Variants in CEP170 observed in about 807,000 individuals in gnomAD.
The protein encoded by CEP170 is centrosomal protein 170.
Under a neutral mutation model 151.9 loss-of-function variants are expected in CEP170, and 21 were observed. That is an observed-to-expected ratio of 0.14 (90% CI 0.10 to 0.20). The LOEUF is 0.20. Ranked by LOEUF, CEP170 falls within the 10% of genes least tolerant of loss-of-function variation. CEP170 has a pLI of 1.00. For synonymous variants in CEP170, 356 were observed against 648.8 expected (o/e 0.55, Z 6.86); for missense variants, 964 against 1,892.9 (o/e 0.51, Z 9.11).
chr1:243,233,763 T>C lies in CEP170; in HGVS notation c.-41-8442A>G, dbSNP rs190653577. Among the ~76,000 whole-genome samples the C allele has an allele frequency of 6.3e-3, 912 of 145,798 alleles. 12 individuals are homozygous for C. Among genetic ancestry groups the C allele is most frequent in the Admixed American group, 0.012 (174 of 14,620 alleles). On this transcript the variant is annotated intron_variant, in intron 1 of 19. Transcript: ENST00000366542. ...AAAAATATATATATATATATATATA[T>C]ATATTTTAAAACGTTGTTCCTATTC... is the stretch of plus-strand genomic sequence containing the variant.
At chr1:243,239,482 T>C (rs1466353194) in intron 1 of CEP170, among the ~76,000 whole-genome samples, 1 of 152,198 alleles carries the variant, frequency 6.6e-6, no homozygotes. Context: ...AAAGTAAATG[T>C]AATAATTTCA....
chr1:243,172,994 T>C lies in CEP170; in HGVS notation c.1567-148A>G. 4.1e-6 allele frequency: 4 copies of C among 969,826 alleles called. 1 individual carries two copies. The highest frequency in any genetic ancestry group is 2.8e-6 in the Non-Finnish European group (2 of 703,252). 60.1% of individuals were successfully genotyped at this position (969,826 alleles called of 1,614,324 possible). A position where few individuals can be genotyped will look rare whatever the true frequency, so the allele number is the denominator to read the frequency against. ...TCAAAACTAAGGAAAACTTCTTGAATGACAGTAACAGCTAATTGTGATAGC... is the reference window on the plus strand; with the variant it reads ...TCAAAACTAAGGAAAACTTCTTGAACGACAGTAACAGCTAATTGTGATAGC... On this transcript the variant is annotated intron_variant, in intron 10 of 19. Transcript: ENST00000366542.
In CEP170 at chr1:243,125,209, A is replaced by T. The variant is rs1019039156; in HGVS notation, c.*1240T>A. 6 of 152,354 alleles carry T rather than the reference A, an allele frequency of 3.9e-5. No individual in the cohort carries two copies. Among genetic ancestry groups the T allele is most frequent in the African/African-American group, 1.4e-4 (6 of 41,466 alleles). 9.4% of individuals were successfully genotyped at this position (152,354 alleles called of 1,614,324 possible). On this transcript the variant is annotated 3_prime_UTR_variant, in exon 20 of 20. Coordinates refer to ENST00000366542, the MANE Select transcript of CEP170 (RefSeq NM_014812.3). ...GTGTTCTGGAAACACAAAGGTAATT[A>T]CTTTTCTTTTTAAAATTATCCAAAT...
intron 1 of CEP170, among the ~76,000 whole-genome samples, chr1:243,232,066 C>A (rs979627870): frequency 4.6e-5 from 7 of 152,144 alleles, no homozygotes; most frequent in African/African-American, 1.4e-4. Context: ...CAAGCTCAAG[C>A]TCCAGGCTCC....
At chr1:243,169,856 A>G (rs2058707266) in intron 11 of CEP170, 102 bp from the exon 12 acceptor site, 3 of 1,408,304 alleles carry the variant, frequency 2.1e-6, no homozygotes, top group Non-Finnish European at 2.9e-6. Flanking sequence ...ATACAAACCC[A>G]TAATTAAACC....
chr1:243,192,470 T>C (rs10926962), intron 7 of CEP170, among the ~76,000 whole-genome samples: 46,173 of 151,872 alleles, frequency 0.3, 7,440 homozygotes, highest in South Asian at 0.48. Context: ...AAAGATGCTA[T>C]TGTCCTGTTG....
At chr1:243,139,233 C>T (rs2055529738) in intron 16 of CEP170, among the ~76,000 whole-genome samples, 1 of 152,028 alleles carries the variant, frequency 6.6e-6, no homozygotes, top group African/African-American at 2.4e-5. Context: ...TCCTGAGTAG[C>T]TGGGATTACA....
intron 4 of CEP170, among the ~76,000 whole-genome samples, chr1:243,206,026 C>T (rs930283733): frequency 1.3e-5 from 2 of 151,708 alleles, no homozygotes; most frequent in African/African-American, 2.4e-5. Context: ...CATAATCAAA[C>T]AGTTCAAAGC....
intron 17 of CEP170, among the ~76,000 whole-genome samples, chr1:243,132,001 T>C (rs1275825876): frequency 2.0e-5 from 3 of 152,192 alleles, no homozygotes; most frequent in Non-Finnish European, 4.4e-5. Context: ...AAGGCCATGC[T>C]ACACAACCTA....
intron 19 of CEP170, 28 bp downstream of exon 19, chr1:243,128,221 T>C: frequency 1.3e-6 from 2 of 1,557,490 alleles, no homozygotes; most frequent in Non-Finnish European, 1.7e-6. Context: ...TTATTAGCTC[T>C]TTATACTTAA....
chr1:243,206,710 G>A (rs2061443848), intron 4 of CEP170, among the ~76,000 whole-genome samples: 1 of 152,058 alleles, frequency 6.6e-6, no homozygotes, highest in South Asian at 2.1e-4. Flanking sequence ...CTCTTTAAAT[G>A]ACAATTGACT....
intron 7 of CEP170, among the ~76,000 whole-genome samples, chr1:243,195,771 T>C (rs2060609053): frequency 6.6e-6 from 1 of 152,128 alleles, no homozygotes; most frequent in South Asian, 2.1e-4. Context: ...TTCTACAATT[T>C]CTGCTGGCTT....
chr1:243,180,662 C>A (rs1017433767), intron 10 of CEP170, among the ~76,000 whole-genome samples: 1 of 152,174 alleles, frequency 6.6e-6, no homozygotes, highest in African/African-American at 2.4e-5. Context: ...GTTTCCCTGG[C>A]TCTTACTTGG....
At chr1:243,167,026 G>C (rs1405901184) in intron 12 of CEP170, among the ~76,000 whole-genome samples, 1 of 152,064 alleles carries the variant, frequency 6.6e-6, no homozygotes, top group Non-Finnish European at 1.5e-5. Flanking sequence ...TTATAGAAGG[G>C]AAGTTCACTG....
intron 8 of CEP170, among the ~76,000 whole-genome samples, chr1:243,189,088 A>G (rs2060113554): frequency 6.6e-6 from 1 of 152,190 alleles, no homozygotes; most frequent in Admixed American, 6.5e-5. Flanking sequence ...CTACCTATAA[A>G]TCAACTTTGA....
intron 12 of CEP170, among the ~76,000 whole-genome samples, chr1:243,167,261 C>A (rs2058507968): frequency 1.3e-5 from 2 of 151,770 alleles, no homozygotes; most frequent in Non-Finnish European, 2.9e-5. Context: ...GAACTTTTAA[C>A]AACATTTTAA....
rs35889417 is a variant in CEP170, at chr1:243,243,497, G to GATTTATTTATTT, written c.-42+11531_-42+11542dup. ...AAAACAAAATTCAACTTACCATTCT[G>GATTTATTTATTT]ATTTATTTATTTATTTATTTATTTA... On this transcript the variant is annotated intron_variant, in intron 1 of 19. Transcript: ENST00000366542. Among the ~76,000 whole-genome samples the GATTTATTTATTT allele has an allele frequency of 1.4e-3, 206 of 146,062 alleles. 1 individual carries two copies. The highest frequency in any genetic ancestry group is 4.6e-3 in the African/African-American group (181 of 39,008).
chr1:243,231,273 AG>A (rs1170740317), intron 1 of CEP170, among the ~76,000 whole-genome samples: 1 of 150,394 alleles, frequency 6.6e-6, no homozygotes, highest in African/African-American at 2.5e-5. Context: ...TAGCTGACAC[AG>A]TTTTTTTTTT....
At chr1:243,241,948 G>A (rs963640976) in intron 1 of CEP170, among the ~76,000 whole-genome samples, 6 of 152,024 alleles carry the variant, frequency 3.9e-5, no homozygotes, top group Non-Finnish European at 8.8e-5. Context: ...TAGAGCACAG[G>A]AAAAGCACAA....
Sources: allele counts gnomAD v4.1 joint callset (sites outside exome capture counted in the v4.1 genomes callset), GRCh38; gene constraint gnomAD v4.1.1; transcripts MANE v1.5; gene names NCBI Gene and HGNC (gene_info 2026-07-23, HGNC 2026-07-21).